TAFA2: variants seen among roughly 807,000 people sequenced by gnomAD.
TAFA2 encodes TAFA chemokine like family member 2.
TAFA2 carries 7 observed loss-of-function variants against 18.8 expected under a neutral mutation model. That is an observed-to-expected ratio of 0.37 (90% CI 0.21 to 0.70). The LOEUF is 0.70. Ranked by LOEUF, TAFA2 falls within the 30% of genes least tolerant of loss-of-function variation. The probability of loss-of-function intolerance (pLI) is 0.53; values close to 1 mark genes in which losing one functional copy is unlikely to be tolerated. For synonymous variants in TAFA2, 60 were observed against 54.2 expected, an observed-to-expected ratio of 1.11 and a Z score of -0.47; for missense variants, 122 against 158.1, an observed-to-expected ratio of 0.77 and a Z score of 1.23.
intron 1 of TAFA2, among the ~76,000 whole-genome samples, chr12:62,060,494 T>A (rs1882316883): frequency 6.6e-6 from 1 of 152,246 alleles, no homozygotes; most frequent in Non-Finnish European, 1.5e-5. Flanking sequence ...GTACAATACA[T>A]AATACTTAAT....
chr12:62,166,738 C>T (rs1281186774), intron 1 of TAFA2, among the ~76,000 whole-genome samples: 1 of 152,140 alleles, frequency 6.6e-6, no homozygotes, highest in African/African-American at 2.4e-5. Context: ...GTCACAAGTT[C>T]CACATAGTTA....
At chr12:62,022,081 T>C in intron 1 of TAFA2, 2 of 540,166 alleles carry the variant, frequency 3.7e-6, no homozygotes, top group Non-Finnish European at 7.3e-6. Context: ...TCTTCTCAAC[T>C]GCAGCAGTCA....
intron 1 of TAFA2, among the ~76,000 whole-genome samples, chr12:62,223,040 T>C (rs1408164390): frequency 6.6e-6 from 1 of 152,162 alleles, no homozygotes; most frequent in African/African-American, 2.4e-5. Flanking sequence ...CAGGAAACCA[T>C]GTTCTTGATT....
At chr12:61,771,780 G>A (rs1870033600) in intron 2 of TAFA2, among the ~76,000 whole-genome samples, 2 of 150,540 alleles carry the variant, frequency 1.3e-5, no homozygotes, top group South Asian at 4.2e-4. Context: ...CAAAAAGTCT[G>A]AAAGAGCACA....
chr12:62,125,649 G>A (rs1870425876), intron 1 of TAFA2, among the ~76,000 whole-genome samples: 1 of 151,838 alleles, frequency 6.6e-6, no homozygotes, highest in African/African-American at 2.4e-5. Context: ...CATGTTTAGA[G>A]AACCTAAGAT....
chr12:61,715,944 GA>G (rs1440348853), intron 4 of TAFA2, among the ~76,000 whole-genome samples: 2 of 151,516 alleles, frequency 1.3e-5, no homozygotes, highest in Admixed American at 6.6e-5. Context: ...TAAAAATTAA[GA>G]AAAAAATGAA....
At chr12:62,086,410 T>C (rs1868455026) in intron 1 of TAFA2, among the ~76,000 whole-genome samples, 1 of 152,120 alleles carries the variant, frequency 6.6e-6, no homozygotes, top group Admixed American at 6.6e-5. Context: ...GATAAGGGAA[T>C]AATATCCAGC....
chr12:62,134,877 CT>C (rs958841836), intron 1 of TAFA2, among the ~76,000 whole-genome samples: 17 of 151,992 alleles, frequency 1.1e-4, no homozygotes, highest in African/African-American at 3.9e-4. Flanking sequence ...TCCATTCCCC[CT>C]GCCTGAAGCC....
intron 4 of TAFA2, among the ~76,000 whole-genome samples, chr12:61,726,522 T>G (rs1441774219): frequency 6.6e-6 from 1 of 152,098 alleles, no homozygotes; most frequent in Non-Finnish European, 1.5e-5. Flanking sequence ...AGTTCTTGAT[T>G]GGATTCTCAG....
Position 61,710,330 on chromosome 12 carries a change from AC to A in TAFA2, c.*75del. ...AAGTGGTATAAAAATCTTCAAGATCACCTCAGGAGTTGAGTTAAGTTTCTAT... is the reference window on the plus strand; with the variant it reads ...AAGTGGTATAAAAATCTTCAAGATCACTCAGGAGTTGAGTTAAGTTTCTAT... On this transcript the variant is annotated 3_prime_UTR_variant, in exon 5 of 5. Coordinates refer to ENST00000416284, the MANE Select transcript of TAFA2 (RefSeq NM_178539.5). 5 of 1,362,350 alleles carry A rather than the reference AC, an allele frequency of 3.7e-6. No individual in the cohort carries two copies. The highest frequency in any genetic ancestry group is 5.2e-6 in the Non-Finnish European group (5 of 954,862). 84.4% of individuals were successfully genotyped at this position (1,362,350 alleles called of 1,614,324 possible). A position where few individuals can be genotyped will look rare whatever the true frequency, so the allele number is the denominator to read the frequency against.
chr12:61,711,941 A>G (rs921211791), intron 4 of TAFA2, among the ~76,000 whole-genome samples: 1 of 152,206 alleles, frequency 6.6e-6, no homozygotes, highest in South Asian at 2.1e-4. Flanking sequence ...CCTGCCATTC[A>G]GGAGTCATCA....
chr12:62,001,418 T>C (rs916309938), intron 1 of TAFA2, among the ~76,000 whole-genome samples: 5 of 152,170 alleles, frequency 3.3e-5, no homozygotes, highest in Admixed American at 3.3e-4. Context: ...TTCACCATAA[T>C]GTAGAATCAG....
At chr12:61,909,108 A>G (rs747126505) in intron 1 of TAFA2, among the ~76,000 whole-genome samples, 9 of 152,152 alleles carry the variant, frequency 5.9e-5, no homozygotes, top group Non-Finnish European at 1.2e-4. Context: ...TCTAGAGAGA[A>G]AGGCATCCAG....
chr12:62,003,853 A>C (rs1342245787), intron 1 of TAFA2, among the ~76,000 whole-genome samples: 1 of 152,230 alleles, frequency 6.6e-6, no homozygotes, highest in East Asian at 1.9e-4. Flanking sequence ...GCTGGATTTC[A>C]AAAGAAGCAG....
intron 1 of TAFA2, among the ~76,000 whole-genome samples, chr12:62,057,306 C>G (rs1274946660): frequency 2.0e-5 from 3 of 151,962 alleles, no homozygotes; most frequent in Admixed American, 1.3e-4. Context: ...TCAGTTTTGT[C>G]CCTTCTTTTA....
rs546004744 is a variant in TAFA2 at position 61,743,023 on chromosome 12, G to GA, written c.384+10598dup. Among the ~76,000 whole-genome samples, 10 of 151,952 alleles carry GA rather than the reference G, an allele frequency of 6.6e-5. No homozygotes were observed. The East Asian group carries it at 1.2e-3, about 18-fold the overall frequency. ...CTTCGATGATTCACCACTGCATGGA[G>GA]AAAAAATCCAAATCTTTTAACATGG... On this transcript the variant is annotated intron_variant, in intron 4 of 4. Transcript: ENST00000416284.
At chr12:62,044,418 CA>C (rs1460025145) in intron 1 of TAFA2, among the ~76,000 whole-genome samples, 1 of 152,006 alleles carries the variant, frequency 6.6e-6, no homozygotes, top group African/African-American at 2.4e-5. Flanking sequence ...AAGGGGCTAT[CA>C]AAAGGGAGCA....
intron 1 of TAFA2, among the ~76,000 whole-genome samples, chr12:62,093,507 T>C (rs1018987998): frequency 1.3e-5 from 2 of 152,028 alleles, no homozygotes; most frequent in African/African-American, 2.4e-5. Context: ...TCAAACCGGT[T>C]ACATATCTTA....
chr12:62,234,188 C>G (rs912282296), intron 1 of TAFA2, among the ~76,000 whole-genome samples: 1 of 152,218 alleles, frequency 6.6e-6, no homozygotes, highest in African/African-American at 2.4e-5. Context: ...TGAGGCACCT[C>G]CTTGAGAAGT....
Sources: gnomAD v4.1 joint callset for allele counts (sites outside exome capture counted in the v4.1 genomes callset) on GRCh38, gnomAD v4.1.1 for gene constraint, MANE v1.5 for transcripts, NCBI Gene and HGNC (gene_info 2026-07-23, HGNC 2026-07-21) for gene names.